Variants in GPM6B observed in about 807,000 individuals in gnomAD.
GPM6B encodes neuronal membrane glycoprotein M6-b.
In GPM6B, 4 loss-of-function variants were observed where a neutral mutation model predicts 27.2. The ratio of observed to expected loss-of-function variants is 0.15; its 90% confidence interval spans 0.07 to 0.34. The LOEUF is 0.34. Ranked by LOEUF, GPM6B falls within the 10% of genes least tolerant of loss-of-function variation. The probability of loss-of-function intolerance (pLI) is 1.00; values close to 1 mark genes in which losing one functional copy is unlikely to be tolerated. For missense variants in GPM6B, 183 were observed against 261.9 expected, an observed-to-expected ratio of 0.70 and a Z score of 2.08; for synonymous variants, 124 against 103.1, an observed-to-expected ratio of 1.20 and a Z score of -1.23.
chrX:13,779,467 G>A (rs903296031), intron 5 of GPM6B, among the ~76,000 whole-genome samples: 1 of 112,053 alleles, frequency 8.9e-6, no homozygotes, highest in Non-Finnish European at 1.9e-5. Flanking sequence ...TGGAAAGTTG[G>A]ATGTTATAAA....
At chrX:13,915,592 G>C (rs750004299) in intron 1 of GPM6B, among the ~76,000 whole-genome samples, 37 of 112,720 alleles carry the variant, frequency 3.3e-4, no homozygotes, top group Non-Finnish European at 6.6e-4. Context: ...ATGTGACCTC[G>C]GTTGTCACAT....
chrX:13,852,862 C>T (rs2049735385), intron 1 of GPM6B, among the ~76,000 whole-genome samples: 1 of 107,177 alleles, frequency 9.3e-6, no homozygotes, highest in Non-Finnish European at 1.9e-5. Context: ...CAGCCTTGAC[C>T]TTCAAACTCC....
chrX:13,908,074 G>C (rs1447110724), intron 1 of GPM6B, among the ~76,000 whole-genome samples: 1 of 112,068 alleles, frequency 8.9e-6, no homozygotes, highest in Non-Finnish European at 1.9e-5. Context: ...CACATGAGTG[G>C]TATCTATTAT....
intron 1 of GPM6B, among the ~76,000 whole-genome samples, chrX:13,912,394 T>C (rs1245314422): frequency 9.0e-6 from 1 of 111,692 alleles, no homozygotes; most frequent in Non-Finnish European, 1.9e-5. Flanking sequence ...AATGCTTTAA[T>C]AGCATCTAAA....
In GPM6B at chrX:13,861,146, T is replaced by C. The variant is rs79108692; in HGVS notation, c.-197-75338A>G. ...CACATACATATATATATAATATACATATATACATATACACACATACATATA... is the reference window on the plus strand; with the variant it reads ...CACATACATATATATATAATATACACATATACATATACACACATACATATA... On this transcript the variant is annotated intron_variant, in intron 1 of 6. Transcript: ENST00000398361. 1.0e-4 allele frequency among the ~76,000 whole-genome samples: 8 copies of C among 76,930 alleles called. 1 individual carries two copies. In the South Asian group the frequency reaches 4.6e-3, roughly 44 times the overall value. The allele number at this position is 76,930 out of a possible 115,157, so 66.8% of individuals were successfully genotyped here. A position where few individuals can be genotyped will look rare whatever the true frequency, so the allele number is the denominator to read the frequency against.
rs186981130 is a variant in GPM6B at position 13,915,262 on chromosome X, G to A, written c.-198+23065C>T. 3.0e-3 allele frequency among the ~76,000 whole-genome samples: 235 copies of A among 78,121 alleles called. 1 individual carries two copies. Among genetic ancestry groups the A allele is most frequent in the Admixed American group, 6.0e-3 (36 of 5,988 alleles). The allele number at this position is 78,121 out of a possible 115,157, so 67.8% of individuals were successfully genotyped here. A position where few individuals can be genotyped will look rare whatever the true frequency, so the allele number is the denominator to read the frequency against. On this transcript the variant is annotated intron_variant, in intron 1 of 6. Transcript: ENST00000398361. ...AGCCTGGCCAACAGAGCCATACCCCGTCTCTAAAAAATGTGTAAAAAAAAA... is the reference window on the plus strand; with the variant it reads ...AGCCTGGCCAACAGAGCCATACCCCATCTCTAAAAAATGTGTAAAAAAAAA...
At chrX:13,875,910 T>C (rs1002340991) in intron 1 of GPM6B, among the ~76,000 whole-genome samples, 2 of 111,957 alleles carry the variant, frequency 1.8e-5, no homozygotes, top group South Asian at 3.7e-4. Context: ...AGGGTTTTCT[T>C]TGGATGACAA....
At chrX:13,865,575 G>GA (rs1263119353) in intron 1 of GPM6B, among the ~76,000 whole-genome samples, 1 of 49,094 alleles carries the variant, frequency 2.0e-5, no homozygotes. Context: ...AAGAAAGAAA[G>GA]AAAAGAAAAG....
At position 13,817,053 on chromosome X, in the gene GPM6B, C is replaced by A; in HGVS notation, c.-149G>T. The stretch of plus-strand genomic sequence containing the variant: ...TCTTCACTACAGTAGATTACAGTCC[C>A]TTCCAAGATGCAAAAGTCTTGTCAG... On this transcript the variant is annotated 5_prime_UTR_variant, in exon 1 of 8. It adds an upstream start codon to the 5' untranslated region. Transcript: ENST00000316715. 9.5e-7 allele frequency: 1 copy of A among 1,052,709 alleles called. No homozygotes were observed. Among genetic ancestry groups the A allele is most frequent in the South Asian group, 3.2e-5 (1 of 31,568 alleles). 86.8% of individuals were successfully genotyped at this position (1,052,709 alleles called of 1,213,427 possible). A position where few individuals can be genotyped will look rare whatever the true frequency, so the allele number is the denominator to read the frequency against.
intron 7 of GPM6B, chrX:13,774,285 C>CA: frequency 1.1e-6 from 1 of 895,894 alleles, no homozygotes; most frequent in Middle Eastern, 5.1e-4. Context: ...AGTATGAGAA[C>CA]ATTATTTTAA....
rs190122933 is a variant in GPM6B at position 13,880,633 on chromosome X, G to A, written c.-198+57694C>T. 4.5e-3 allele frequency among the ~76,000 whole-genome samples: 404 copies of A among 90,193 alleles called. 3 individuals carry two copies. The highest frequency in any genetic ancestry group is 0.018 in the African/African-American group (391 of 21,337). The allele number at this position is 90,193 out of a possible 115,157, so 78.3% of individuals were successfully genotyped here. A position where few individuals can be genotyped will look rare whatever the true frequency, so the allele number is the denominator to read the frequency against. On this transcript the variant is annotated intron_variant, in intron 1 of 6. Transcript: ENST00000398361. ...AGAGCTTGCAGTGAGCCAAGATTGT[G>A]CCACTGCACTCCAGCCTGGGAGACA...
chrX:13,828,211 T>C (rs1278762083), intron 1 of GPM6B, among the ~76,000 whole-genome samples: 1 of 112,093 alleles, frequency 8.9e-6, no homozygotes, highest in Non-Finnish European at 1.9e-5. Flanking sequence ...TAATCCCCAA[T>C]GTGGCAGTAC....
chrX:13,803,458 C>A (rs1603022405), intron 2 of GPM6B, among the ~76,000 whole-genome samples: 2 of 111,624 alleles, frequency 1.8e-5, no homozygotes, highest in East Asian at 5.6e-4. Flanking sequence ...GCTCTTTGTC[C>A]CGACTTCTGG....
At chrX:13,786,262 G>T (rs1386006358) in intron 2 of GPM6B, among the ~76,000 whole-genome samples, 1 of 112,253 alleles carries the variant, frequency 8.9e-6, no homozygotes, top group Non-Finnish European at 1.9e-5. Context: ...ACAGTTCTGG[G>T]GTTTCAATAC....
intron 5 of GPM6B, 84 bp from the exon 6 acceptor site, chrX:13,777,509 TAC>T: frequency 1.7e-6 from 1 of 599,662 alleles, no homozygotes; most frequent in East Asian, 3.4e-5. Flanking sequence ...GGATGCCAGT[TAC>T]AGTGTAATTG....
rs770490228 is a variant in GPM6B at position 13,770,998 on chromosome X, AATAG to A, written c.*1879_*1882del. 9 of 112,650 alleles carry A rather than the reference AATAG, an allele frequency of 8.0e-5. No homozygotes were observed. Among genetic ancestry groups the A allele is most frequent in the East Asian group, 2.8e-4 (1 of 3,628 alleles). 9.3% of individuals were successfully genotyped at this position (112,650 alleles called of 1,213,427 possible). A position where few individuals can be genotyped will look rare whatever the true frequency, so the allele number is the denominator to read the frequency against. On this transcript the variant is annotated 3_prime_UTR_variant, in exon 8 of 8. Coordinates refer to ENST00000316715, the MANE Select transcript of GPM6B (RefSeq NM_001001995.3). ...GTACATCCACAACTATTTCCACCTA[AATAG>A]ATCTTTAAAATAAGCATACACAAGT...
At chrX:13,873,965 G>A (rs1194791539) in intron 1 of GPM6B, among the ~76,000 whole-genome samples, 2 of 111,390 alleles carry the variant, frequency 1.8e-5, no homozygotes, top group East Asian at 5.6e-4. Flanking sequence ...TGCTTTAAAT[G>A]GCAAAAAAAC....
chrX:13,890,117 C>T (rs2050175350), intron 1 of GPM6B, among the ~76,000 whole-genome samples: 1 of 111,189 alleles, frequency 9.0e-6, no homozygotes, highest in Middle Eastern at 4.6e-3. Flanking sequence ...ACGAGGTCGG[C>T]ACAAGATACA....
intron 1 of GPM6B, among the ~76,000 whole-genome samples, chrX:13,865,541 T>TAAAAAAAAAAAAAAAAAAAAAAAAAA (rs1569271152): frequency 3.2e-4 from 1 of 3,113 alleles, no homozygotes; most frequent in African/African-American, 7.2e-4. Context: ...ATCCATCTCT[T>TAAAAAAAAAAAAAAAAAAAAAAAAAA]CAAAAAAAAA....
Sources: allele counts gnomAD v4.1 joint callset (sites outside exome capture counted in the v4.1 genomes callset), GRCh38; gene constraint gnomAD v4.1.1; transcripts MANE v1.5; gene names NCBI Gene and HGNC (gene_info 2026-07-23, HGNC 2026-07-21).